The following PTPN4 variants were observed in gnomAD, a reference collection of about 807,000 sequenced individuals.
PTPN4 encodes tyrosine-protein phosphatase non-receptor type 4.
In PTPN4, 49 loss-of-function variants were observed where a neutral mutation model predicts 135.5. The observed-to-expected ratio is 0.36, with a 90% CI of 0.29 to 0.46. The LOEUF (loss-of-function observed/expected upper bound fraction) is 0.46. PTPN4 is among the 20% of genes least tolerant of loss of function. The pLI is 1.00. For synonymous variants in PTPN4, 333 were observed against 369.9 expected (o/e 0.90, Z 1.14); for missense variants, 860 against 1,101.0 (o/e 0.78, Z 3.10).
intron 25 of PTPN4, among the ~76,000 whole-genome samples, chr2:119,966,357 C>A (rs112575066): frequency 0.025 from 3,867 of 152,262 alleles, 166 homozygotes; most frequent in African/African-American, 0.087. Flanking sequence ...CTCCCAGGCT[C>A]AAGTGATCCT....
At chr2:119,949,309 A>G (rs1679178860) in intron 18 of PTPN4, among the ~76,000 whole-genome samples, 1 of 152,186 alleles carries the variant, frequency 6.6e-6, no homozygotes, top group Admixed American at 6.6e-5. Flanking sequence ...TAATTTAGAG[A>G]TCACCACAAC....
At chr2:119,919,823 CAAAAAAAAA>C (rs768606079) in intron 11 of PTPN4, among the ~76,000 whole-genome samples, 4 of 64,760 alleles carry the variant, frequency 6.2e-5, no homozygotes, top group African/African-American at 2.1e-4. Flanking sequence ...GACTGTGTCT[CAAAAAAAAA>C]AAAAAAAAAA....
At chr2:119,877,238 A>T in intron 3 of PTPN4, 85 bp from the exon 4 acceptor site, 1 of 1,440,624 alleles carries the variant, frequency 6.9e-7, no homozygotes. Flanking sequence ...TTTAGCATTA[A>T]TCTCCAAATG....
intron 1 of PTPN4, 134 bp from the exon 2 acceptor site, chr2:119,809,703 T>G (rs1424578279): frequency 8.1e-6 from 6 of 739,140 alleles, no homozygotes; most frequent in African/African-American, 3.5e-5. Flanking sequence ...ACAATTCTTA[T>G]TCTGGTGTTT....
intron 3 of PTPN4, among the ~76,000 whole-genome samples, chr2:119,868,993 C>T (rs1677871596): frequency 6.6e-6 from 1 of 152,100 alleles, no homozygotes; most frequent in Admixed American, 6.5e-5. Flanking sequence ...CCACTTTTAG[C>T]TATTTATCCA....
intron 11 of PTPN4, among the ~76,000 whole-genome samples, chr2:119,918,603 G>T (rs182300090): frequency 1.3e-5 from 2 of 152,306 alleles, no homozygotes; most frequent in African/African-American, 4.8e-5. Flanking sequence ...TAAGGGGAAA[G>T]AGATTGATAA....
At chr2:119,826,437 T>TA (rs1170879708) in intron 2 of PTPN4, among the ~76,000 whole-genome samples, 6 of 152,178 alleles carry the variant, frequency 3.9e-5, no homozygotes. Flanking sequence ...CTGTAAACTC[T>TA]AAAGCAATGA....
chr2:119,801,536 A>G (rs1020057138), intron 1 of PTPN4, among the ~76,000 whole-genome samples: 32 of 152,222 alleles, frequency 2.1e-4, no homozygotes, highest in African/African-American at 7.7e-4. Flanking sequence ...CCGTGAACAT[A>G]GTTATGTCTC....
At chr2:119,828,578 G>A (rs1677177647) in intron 2 of PTPN4, among the ~76,000 whole-genome samples, 1 of 152,198 alleles carries the variant, frequency 6.6e-6, no homozygotes, top group South Asian at 2.1e-4. Flanking sequence ...TTATCTAAGA[G>A]TGGAAATGCT....
Position 119,885,824 on chromosome 2 carries a change from A to G in PTPN4, c.617A>G (p.Asn206Ser). 1 of 1,602,994 alleles carries G rather than the reference A, an allele frequency of 6.2e-7. No individual in the cohort carries two copies. The highest frequency in any genetic ancestry group is 1.1e-5 in the South Asian group (1 of 88,580). ...TTATCTCCTGCAGAAGCAGAATTTA[A>G]TTACCTAAACACAGCACGTACCTTA... is the stretch of plus-strand genomic sequence containing the variant. Reference protein sequence around the residue: ...IGLSPAEAEFNYLNTARTLEL... With the variant: ...IGLSPAEAEFSYLNTARTLEL... Residue 206 changes from asparagine (N) to serine (S), a missense_variant, in exon 9 of 27, where the codon AAT becomes AGT. Transcript: ENST00000263708.
At chr2:119,860,905 G>T (rs960653642) in intron 2 of PTPN4, among the ~76,000 whole-genome samples, 2 of 152,060 alleles carry the variant, frequency 1.3e-5, no homozygotes, top group African/African-American at 2.4e-5. Flanking sequence ...GCTGGGCGTG[G>T]TGGCATGCAC....
intron 2 of PTPN4, among the ~76,000 whole-genome samples, chr2:119,836,206 T>A (rs1371019659): frequency 6.6e-6 from 1 of 152,220 alleles, no homozygotes; most frequent in Non-Finnish European, 1.5e-5. Context: ...GGAGACTTCA[T>A]ATGTGTATGA....
rs1679720405 is a variant in PTPN4, at chr2:119,983,221, C to T, written c.*6151C>T. On this transcript the variant is annotated 3_prime_UTR_variant, in exon 27 of 27. Transcript: ENST00000263708. The stretch of plus-strand genomic sequence containing the variant: ...TTTAGCAAATATTACTTGTGATAAG[C>T]TTAAATGCCACATCGCTAAGTACAA... The T allele has an allele frequency of 6.6e-6, 1 of 152,152 alleles. No homozygotes were observed. Among genetic ancestry groups the T allele is most frequent in the African/African-American group, 2.4e-5 (1 of 41,406 alleles). The allele number at this position is 152,152 out of a possible 1,614,324, so 9.4% of individuals were successfully genotyped here.
At chr2:119,930,832 T>G (rs905463658) in intron 13 of PTPN4, among the ~76,000 whole-genome samples, 18 of 151,426 alleles carry the variant, frequency 1.2e-4, no homozygotes, top group Non-Finnish European at 1.6e-4. Flanking sequence ...GGTAATTGTT[T>G]TTTTTTTTTT....
intron 23 of PTPN4, among the ~76,000 whole-genome samples, chr2:119,961,263 A>G (rs954650417): frequency 1.3e-5 from 2 of 152,228 alleles, no homozygotes; most frequent in Admixed American, 6.5e-5. Context: ...AAAATGGGCA[A>G]TGGATCTGAA....
At chr2:119,901,857 T>C (rs1253425858) in intron 10 of PTPN4, among the ~76,000 whole-genome samples, 1 of 152,178 alleles carries the variant, frequency 6.6e-6, no homozygotes, top group Non-Finnish European at 1.5e-5. Context: ...CCTTTGGTCT[T>C]ATCGGTAGAT....
At chr2:119,771,213 GC>G (rs1344198768) in intron 1 of PTPN4, among the ~76,000 whole-genome samples, 20 of 152,114 alleles carry the variant, frequency 1.3e-4, no homozygotes, top group African/African-American at 4.8e-4. Context: ...TTCCATCCCA[GC>G]CCAGCCATCA....
At chr2:119,896,898 A>T (rs1678332023) in intron 9 of PTPN4, among the ~76,000 whole-genome samples, 1 of 152,068 alleles carries the variant, frequency 6.6e-6, no homozygotes, top group South Asian at 2.1e-4. Flanking sequence ...TTTGGTCACC[A>T]GTGGGGAGTG....
chr2:119,797,579 C>G (rs990498581), intron 1 of PTPN4, among the ~76,000 whole-genome samples: 3 of 152,206 alleles, frequency 2.0e-5, no homozygotes, highest in African/African-American at 7.2e-5. Flanking sequence ...TCCAGCTGAT[C>G]TCTTTCCTCC....
Sources: allele counts gnomAD v4.1 joint callset (sites outside exome capture counted in the v4.1 genomes callset), GRCh38; gene constraint gnomAD v4.1.1; transcripts MANE v1.5; gene names NCBI Gene and HGNC (gene_info 2026-07-23, HGNC 2026-07-21).